Variants in HDAC10 observed in about 807,000 individuals in gnomAD.
The protein encoded by HDAC10 is polyamine deacetylase HDAC10.
HDAC10 carries 90 observed loss-of-function variants against 82.3 expected under a neutral mutation model. The ratio of observed to expected loss-of-function variants is 1.09; its 90% CI spans 0.92 to 1.30. The LOEUF (loss-of-function observed/expected upper bound fraction) is 1.30. Among genes scored for constraint, HDAC10 ranks in the 50% most tolerant of loss-of-function variants. The pLI, the probability that HDAC10 is intolerant of heterozygous loss-of-function variation, is 0.00. For missense variants in HDAC10, 934 were observed against 876.3 expected, an observed-to-expected ratio of 1.07 and a Z score of -0.83; for synonymous variants, 456 against 391.7, an observed-to-expected ratio of 1.16 and a Z score of -1.94.
Position 50,249,858 on chromosome 22 carries a change from A to G in HDAC10, c.494+2T>C. On this transcript the variant is annotated splice_donor_variant, in intron 5 of 19. Transcript: ENST00000216271. LOFTEE classifies it high-confidence loss of function. This position sits in a 1 kb window ranked among gnomAD's most constrained non-coding sequence, Gnocchi z 4.4. ...CCCCCCTGCAGCCAGCCTGGCACACACCTGTGTAGCCCGTGTTTCTGCTTG... is the reference window on the plus strand; with the variant it reads ...CCCCCCTGCAGCCAGCCTGGCACACGCCTGTGTAGCCCGTGTTTCTGCTTG... The G allele has an allele frequency of 5.0e-6, 8 of 1,610,758 alleles. No homozygotes were observed. The highest frequency in any genetic ancestry group is 6.8e-6 in the Non-Finnish European group (8 of 1,178,462).
At chr22:50,250,738 G>GC in intron 2 of HDAC10, 33 bp downstream of exon 2, 5 of 1,533,544 alleles carry the variant, frequency 3.3e-6, no homozygotes, top group South Asian at 1.2e-5. Flanking sequence ...TGCCCGCCCC[G>GC]CCCCCCATCG....
In HDAC10 at chr22:50,248,436, A is replaced by G. The variant is rs757377111; in HGVS notation, c.943T>C (p.Cys315Arg). 2 of 1,608,152 alleles carry G rather than the reference A, an allele frequency of 1.2e-6. No homozygotes were observed. The highest frequency in any genetic ancestry group is 1.7e-6 in the Non-Finnish European group (2 of 1,179,848). ...YHLESLAESV[C>R]MTVQTLLGDP... ...CCCAGCAGCGTCTGTACTGTCATGCACACTGACTCCGCCAGTGACTCCAGG... is the reference window on the plus strand; with the variant it reads ...CCCAGCAGCGTCTGTACTGTCATGCGCACTGACTCCGCCAGTGACTCCAGG... Residue 315 changes from cysteine to arginine, a missense_variant, in exon 11 of 20, where the codon TGC (cysteine) becomes CGC (arginine). Transcript: ENST00000216271. This position sits in a 1 kb window ranked among gnomAD's most constrained non-coding sequence, Gnocchi z 5.4.
chr22:50,246,726 G>C lies in HDAC10; in HGVS notation c.1524C>G (p.Cys508Trp). The change falls in exon 16 of 20, where the codon TGC becomes TGG. Residue 508 changes from cysteine to tryptophan, a missense_variant. By Grantham distance (215) the Cys-to-Trp change is radical (BLOSUM62 -2). Coordinates refer to ENST00000216271, the MANE Select transcript of HDAC10 (RefSeq NM_032019.6). ...GCCGGTCCAGCTGTCCCAGGGCCAC[G>C]CACAGCAGCCTGGAAGAAGAGCTGG... ...GLSHGAQRLL[C>W]VALGQLDRPP... 6.2e-7 allele frequency: 1 copy of C among 1,612,348 alleles called. No homozygotes were observed. The highest frequency in any genetic ancestry group is 8.5e-7 in the Non-Finnish European group (1 of 1,179,952).
At position 50,248,136 on chromosome 22, in the gene HDAC10, G is replaced by T; in HGVS notation, c.1091C>A (p.Ala364Asp). 6.3e-7 allele frequency: 1 copy of T among 1,585,062 alleles called. No individual in the cohort carries two copies. The highest frequency in any genetic ancestry group is 2.2e-5 in the East Asian group (1 of 44,566). Residue 364 changes from alanine to aspartate, a missense_variant, in exon 13 of 20, where the codon GCT becomes GAT. Ala to Asp is a moderately radical substitution (Grantham distance 126, BLOSUM62 -2). Transcript: ENST00000216271. The surrounding 1 kb of genome is among the most constrained non-coding windows in gnomAD (Gnocchi z 5.4). ...WKSLQQQDVT[A>D]VPMSPSSHSP... Reference sequence around the variant, plus strand: ...GTGGCTGCTGGGGCTCATCGGCACAGCGGTCACATCTAGGGACAGTTCGGA... The same window carrying T: ...GTGGCTGCTGGGGCTCATCGGCACATCGGTCACATCTAGGGACAGTTCGGA...
chr22:50,250,665 A>C, intron 2 of HDAC10, 106 bp downstream of exon 2: 1 of 1,348,942 alleles, frequency 7.4e-7, no homozygotes, highest in Non-Finnish European at 1.0e-6. Context: ...GCATAGGGAG[A>C]GGCTCTGTAT....
chr22:50,250,571 AGGGGGGCGGGAGGC>A (rs752058578), intron 2 of HDAC10, 48 bp from the exon 3 acceptor site: 1 of 1,131,018 alleles, frequency 8.8e-7, no homozygotes, highest in Non-Finnish European at 1.3e-6. Flanking sequence ...CAGCAGGAGC[AGGGGGGCGGGAGGC>A]GGGGACCTGG....
At chr22:50,247,190 G>A (rs891958723) in intron 14 of HDAC10, 15 of 436,646 alleles carry the variant, frequency 3.4e-5, no homozygotes, top group Admixed American at 4.1e-5. Flanking sequence ...CCAGGCTGGC[G>A]TGCAGTGGCG....
At position 50,248,987 on chromosome 22, in the gene HDAC10, C is replaced by T. The variant is rs925817253; in HGVS notation, c.757-97G>A. ...ATCCCATCCCCTCCTGAGCACCTTC[C>T]CCAGCCACACAGGAGTGGGACAGCT... On this transcript the variant is annotated intron_variant, in intron 8 of 19. Transcript: ENST00000216271. The surrounding 1 kb of genome is among the most constrained non-coding windows in gnomAD (Gnocchi z 5.4). The T allele has an allele frequency of 2.5e-5, 37 of 1,462,806 alleles. No homozygotes were observed. The highest frequency in any genetic ancestry group is 1.5e-4 in the Admixed American group (8 of 52,004). The allele number at this position is 1,462,806 out of a possible 1,614,324, so 90.6% of individuals were successfully genotyped here.
At position 50,249,805 on chromosome 22, in the gene HDAC10, C is replaced by T; in HGVS notation, c.494+55G>A. The T allele has an allele frequency of 6.2e-7, 1 of 1,601,910 alleles. No homozygotes were observed. The highest frequency in any genetic ancestry group is 8.5e-7 in the Non-Finnish European group (1 of 1,171,980). ...TGGCTGGGTTCTCTCGCCTCCTGCGCTGCCCCTTGCTGTGTGGCCTGGGCC... is the reference window on the plus strand; with the variant it reads ...TGGCTGGGTTCTCTCGCCTCCTGCGTTGCCCCTTGCTGTGTGGCCTGGGCC... On this transcript the variant is annotated intron_variant, in intron 5 of 19. Coordinates refer to ENST00000216271, the MANE Select transcript of HDAC10 (RefSeq NM_032019.6). This position sits in a 1 kb window ranked among gnomAD's most constrained non-coding sequence, Gnocchi z 4.4.
chr22:50,245,718 A>G lies in HDAC10; in HGVS notation c.1943T>C (p.Met648Thr). The G allele has an allele frequency of 6.2e-7, 1 of 1,613,234 alleles. No homozygotes were observed. The change falls in exon 19 of 20, where the codon ATG (methionine) becomes ACG (threonine). Residue 648 changes from methionine to threonine, a missense_variant. Met to Thr is a moderately conservative substitution (Grantham distance 81). Transcript: ENST00000216271. ...VASPEDVQAL[M>T]YLRGQLEPQW... The stretch of plus-strand genomic sequence containing the variant: ...AGGCTCCAGCTGCCCTCTCAGGTAC[A>G]TCAGGGCCTGGACGTCCTCTGGGGA...
rs763382257 is a variant in HDAC10 at position 50,248,339 on chromosome 22, C to T, written c.1013+27G>A. ...CGTGACACCTGGTCTCACACCCCGG[C>T]CCTGCCCGCCCTACCTCCCCTCGCA... On this transcript the variant is annotated intron_variant, in intron 11 of 19. Transcript: ENST00000216271. This position sits in a 1 kb window ranked among gnomAD's most constrained non-coding sequence, Gnocchi z 5.4. 2 of 1,611,310 alleles carry T rather than the reference C, an allele frequency of 1.2e-6. No individual in the cohort carries two copies. The highest frequency in any genetic ancestry group is 1.7e-6 in the Non-Finnish European group (2 of 1,179,702).
At chr22:50,247,129 C>A in intron 14 of HDAC10, 163 bp from the exon 15 acceptor site, 2 of 479,504 alleles carry the variant, frequency 4.2e-6, no homozygotes, top group Non-Finnish European at 3.7e-6. Context: ...AAGATGCTTA[C>A]GTCTATAATT....
At chr22:50,250,398 C>T (rs1188695690) in intron 3 of HDAC10, 29 bp downstream of exon 3, 1 of 1,602,694 alleles carries the variant, frequency 6.2e-7, no homozygotes. Flanking sequence ...TGTGTGTCTG[C>T]ACAGGTGAGT....
intron 16 of HDAC10, 60 bp from the exon 17 acceptor site, chr22:50,246,436 A>C: frequency 7.1e-7 from 1 of 1,415,566 alleles, no homozygotes; most frequent in Non-Finnish European, 9.9e-7. Context: ...CCCAAACCGC[A>C]GAGGCAGAGG....
Position 50,250,073 on chromosome 22 carries a change from C to G in HDAC10, c.379G>C (p.Ala127Pro). The part of the protein sequence containing the change: ...VLTGAVQNGL[A>P]LVRPPGHHGQ... ...AGGGGCAGCTCTCACCTCACCAGGG[C>G]AAGCCCATTTTGCACAGCTCCAGTG... Residue 127 changes from alanine to proline, a missense_variant, in exon 4 of 20, where the codon GCC becomes CCC. Physicochemically the swap from Ala to Pro is conservative, Grantham distance 27. Coordinates refer to ENST00000216271, the MANE Select transcript of HDAC10 (RefSeq NM_032019.6). 1 of 1,612,744 alleles carries G rather than the reference C, an allele frequency of 6.2e-7. No homozygotes were observed. The highest frequency in any genetic ancestry group is 1.1e-5 in the South Asian group (1 of 91,086).
At position 50,249,598 on chromosome 22, in the gene HDAC10, G is replaced by C; in HGVS notation, c.563+37C>G. 6.2e-7 allele frequency: 1 copy of C among 1,611,790 alleles called. No homozygotes were observed. Among genetic ancestry groups the C allele is most frequent in the South Asian group, 1.1e-5 (1 of 91,068 alleles). On this transcript the variant is annotated intron_variant, in intron 6 of 19. Coordinates refer to ENST00000216271, the MANE Select transcript of HDAC10 (RefSeq NM_032019.6). This position sits in a 1 kb window ranked among gnomAD's most constrained non-coding sequence, Gnocchi z 4.4. ...GCCAGGCTGTGCACCCAAAAACTGG[G>C]GCTGCAGGGAAGGGTGGTTTCCGCA...
At position 50,245,709 on chromosome 22, in the gene HDAC10, C is replaced by T; in HGVS notation, c.1952G>A (p.Arg651Lys). ...CTTCCACTGAGGCTCCAGCTGCCCT[C>T]TCAGGTACATCAGGGCCTGGACGTC... Reference protein sequence around the residue: ...PEDVQALMYLRGQLEPQWKML... With the variant: ...PEDVQALMYLKGQLEPQWKML... The change falls in exon 19 of 20, where the codon AGA becomes AAA. Residue 651 changes from arginine to lysine, a missense_variant. Coordinates refer to ENST00000216271, the MANE Select transcript of HDAC10 (RefSeq NM_032019.6). The T allele has an allele frequency of 6.2e-7, 1 of 1,613,248 alleles. No individual in the cohort carries two copies. Among genetic ancestry groups the T allele is most frequent in the Non-Finnish European group, 8.5e-7 (1 of 1,179,946 alleles).
In HDAC10 at chr22:50,250,574, G is replaced by A. The variant is rs771329375; in HGVS notation, c.195-51C>T. 27 of 1,473,152 alleles carry A rather than the reference G, an allele frequency of 1.8e-5. No homozygotes were observed. In the African/African-American group the frequency reaches 3.5e-4, roughly 19 times the overall value. 91.3% of individuals were successfully genotyped at this position (1,473,152 alleles called of 1,614,324 possible). A position where few individuals can be genotyped will look rare whatever the true frequency, so the allele number is the denominator to read the frequency against. Reference sequence around the variant, plus strand: ...AGGCAGGGTCACCAGCAGGAGCAGGGGGGCGGGAGGCGGGGACCTGGGATT... The same window carrying A: ...AGGCAGGGTCACCAGCAGGAGCAGGAGGGCGGGAGGCGGGGACCTGGGATT... On this transcript the variant is annotated intron_variant, in intron 2 of 19. Transcript: ENST00000216271.
rs1178162294 is a variant in HDAC10, at chr22:50,248,817, G to A, written c.816+14C>T. ...GGACCCCAGAAGCCCTCCCTGGCAA[G>A]GCAAGGCCCTCACCTCAGGGTCCCC... On this transcript the variant is annotated intron_variant, in intron 9 of 19. Coordinates refer to ENST00000216271, the MANE Select transcript of HDAC10 (RefSeq NM_032019.6). The surrounding 1 kb of genome is among the most constrained non-coding windows in gnomAD (Gnocchi z 5.4). The A allele has an allele frequency of 3.1e-6, 5 of 1,609,470 alleles. No individual in the cohort carries two copies. Among genetic ancestry groups the A allele is most frequent in the African/African-American group, 1.3e-5 (1 of 74,892 alleles).
Sources: allele counts gnomAD v4.1 joint callset, GRCh38; gene constraint gnomAD v4.1.1; non-coding constraint Gnocchi (gnomAD v3.1); transcripts MANE v1.5; gene names NCBI Gene and HGNC (gene_info 2026-07-23, HGNC 2026-07-21).